CTNNA2: variants seen among roughly 807,000 people sequenced by gnomAD.
The protein encoded by CTNNA2 is catenin alpha 2.
In CTNNA2, 42 loss-of-function variants were observed where a neutral mutation model predicts 101.0. That is an observed-to-expected ratio of 0.42 (90% CI 0.32 to 0.54). The LOEUF (loss-of-function observed/expected upper bound fraction) is 0.54, where lower values mean the gene tolerates loss of function less well. CTNNA2 is among the 20% of genes least tolerant of loss of function. CTNNA2 has a pLI of 0.14. For missense variants in CTNNA2, 871 were observed against 1,223.1 expected, an observed-to-expected ratio of 0.71 and a Z score of 4.29; for synonymous variants, 450 against 456.4, an observed-to-expected ratio of 0.99 and a Z score of 0.18.
At chr2:80,385,083 A>T (rs1397752200) in intron 7 of CTNNA2, among the ~76,000 whole-genome samples, 1 of 152,030 alleles carries the variant, frequency 6.6e-6, no homozygotes, top group South Asian at 2.1e-4. Flanking sequence ...TCCAGGTACA[A>T]CTCCAGGTTC....
intron 3 of CTNNA2, among the ~76,000 whole-genome samples, chr2:79,317,855 T>C (rs1676531530): frequency 6.6e-6 from 1 of 152,008 alleles, no homozygotes; most frequent in Non-Finnish European, 1.5e-5. Flanking sequence ...TGAAAAAACA[T>C]TGGAATAAAC....
At chr2:79,766,120 A>T (rs1673135497) in intron 3 of CTNNA2, among the ~76,000 whole-genome samples, 1 of 152,124 alleles carries the variant, frequency 6.6e-6, no homozygotes, top group Non-Finnish European at 1.5e-5. Context: ...GTTACCAGTA[A>T]GTTTTGTACC....
chr2:80,070,381 G>A (rs1239081200), intron 7 of CTNNA2, among the ~76,000 whole-genome samples: 1 of 152,098 alleles, frequency 6.6e-6, no homozygotes, highest in East Asian at 1.9e-4. Context: ...AAACTTGGTT[G>A]CATAAAGCAA....
At chr2:79,557,848 T>C (rs1674539327) in intron 1 of CTNNA2, among the ~76,000 whole-genome samples, 1 of 152,016 alleles carries the variant, frequency 6.6e-6, no homozygotes, top group Admixed American at 6.6e-5. Flanking sequence ...GTCAGTGTAC[T>C]ACTGTGGTAC....
intron 1 of CTNNA2, among the ~76,000 whole-genome samples, chr2:79,627,346 A>G (rs758860643): frequency 6.6e-6 from 1 of 152,234 alleles, no homozygotes; most frequent in Non-Finnish European, 1.5e-5. Flanking sequence ...AGCTGTTTGA[A>G]ATGTGCCATG....
intron 3 of CTNNA2, among the ~76,000 whole-genome samples, chr2:79,852,335 A>G (rs1680784653): frequency 6.6e-6 from 1 of 152,174 alleles, no homozygotes; most frequent in Non-Finnish European, 1.5e-5. Flanking sequence ...TTTATTTTAT[A>G]GCAAAAATGT....
chr2:79,473,244 C>A (rs1359645701), intron 4 of CTNNA2, among the ~76,000 whole-genome samples: 1 of 152,090 alleles, frequency 6.6e-6, no homozygotes, highest in Admixed American at 6.6e-5. Context: ...CAGCTTCTGC[C>A]TATTCCTCAG....
chr2:80,306,400 T>TTTCTTTCTTTCTTTC (rs201581568), intron 7 of CTNNA2, among the ~76,000 whole-genome samples: 29 of 109,270 alleles, frequency 2.7e-4, no homozygotes, highest in East Asian at 5.4e-4. Context: ...TTTTCTTTTC[T>TTTCTTTCTTTCTTTC]TTTCTTTCTT....
At chr2:79,213,205 T>A (rs1465538620) in intron 2 of CTNNA2, among the ~76,000 whole-genome samples, 1 of 152,188 alleles carries the variant, frequency 6.6e-6, no homozygotes, top group Non-Finnish European at 1.5e-5. Flanking sequence ...TTTTTAGCTA[T>A]CTTATCAGCA....
At chr2:79,212,995 A>G (rs911312867) in intron 2 of CTNNA2, among the ~76,000 whole-genome samples, 1 of 152,178 alleles carries the variant, frequency 6.6e-6, no homozygotes, top group African/African-American at 2.4e-5. Flanking sequence ...TGTAACCTAC[A>G]TGGAAGAAGT....
intron 7 of CTNNA2, among the ~76,000 whole-genome samples, chr2:80,324,159 C>G (rs577701845): frequency 6.6e-6 from 1 of 152,306 alleles, no homozygotes; most frequent in African/African-American, 2.4e-5. Flanking sequence ...ACAAATTTAC[C>G]TGTTCTAAAG....
intron 1 of CTNNA2, among the ~76,000 whole-genome samples, chr2:79,533,271 T>C (rs796692991): frequency 6.6e-5 from 10 of 152,246 alleles, no homozygotes; most frequent in African/African-American, 2.2e-4. Context: ...TGACTGAGAA[T>C]GTCTTTAAAG....
At chr2:80,520,725 A>G (rs1689474515) in intron 9 of CTNNA2, among the ~76,000 whole-genome samples, 1 of 152,164 alleles carries the variant, frequency 6.6e-6, no homozygotes, top group Non-Finnish European at 1.5e-5. Flanking sequence ...ATCACATTGG[A>G]ATTAGGGTTT....
intron 7 of CTNNA2, among the ~76,000 whole-genome samples, chr2:80,195,762 A>C (rs556187429): frequency 6.6e-6 from 1 of 152,164 alleles, no homozygotes; most frequent in Non-Finnish European, 1.5e-5. Context: ...CATGAAAGAC[A>C]TTGCTCATTA....
intron 17 of CTNNA2, among the ~76,000 whole-genome samples, chr2:80,608,701 G>A (rs1698225075): frequency 6.6e-6 from 1 of 151,794 alleles, no homozygotes; most frequent in South Asian, 2.1e-4. Flanking sequence ...GCCTCTCTAT[G>A]TGTGGATTGT....
Position 80,321,378 on chromosome 2 carries a change from A to T in CTNNA2, c.1057-71833A>T, listed in dbSNP as rs138220112. 2.2e-3 allele frequency among the ~76,000 whole-genome samples: 328 copies of T among 152,224 alleles called. 2 individuals carry two copies. The highest frequency in any genetic ancestry group is 7.4e-3 in the African/African-American group (307 of 41,574). On this transcript the variant is annotated intron_variant, in intron 7 of 18. Coordinates refer to ENST00000402739, the MANE Select transcript of CTNNA2 (RefSeq NM_001282597.3). ...ACTGGTGGTGAGGATGTTCTGGACG[A>T]AGTCTAACTGGTAGGAACAGAAACA...
At chr2:79,775,953 G>C (rs967686623) in intron 3 of CTNNA2, among the ~76,000 whole-genome samples, 1 of 152,152 alleles carries the variant, frequency 6.6e-6, no homozygotes, top group African/African-American at 2.4e-5. Flanking sequence ...TAGTTGGTAA[G>C]GGTATGAGTG....
At chr2:80,143,012 CTT>C (rs757623454) in intron 7 of CTNNA2, among the ~76,000 whole-genome samples, 4 of 152,318 alleles carry the variant, frequency 2.6e-5, no homozygotes, top group East Asian at 1.9e-4. Flanking sequence ...TATTCTCTCT[CTT>C]GGACAACCTT....
chr2:80,360,490 G>T (rs1422663269), intron 7 of CTNNA2, among the ~76,000 whole-genome samples: 3 of 152,078 alleles, frequency 2.0e-5, no homozygotes, highest in Non-Finnish European at 4.4e-5. Context: ...TGTAAAATGG[G>T]AGAGTGGTAA....
Sources: gnomAD v4.1 joint callset for allele counts (sites outside exome capture counted in the v4.1 genomes callset) on GRCh38, gnomAD v4.1.1 for gene constraint, MANE v1.5 for transcripts, NCBI Gene and HGNC (gene_info 2026-07-23, HGNC 2026-07-21) for gene names.